Variants in LPP observed in about 807,000 individuals in gnomAD.
LPP encodes the protein LIM domain containing preferred translocation partner in lipoma, also known as lipoma-preferred partner.
Under a neutral mutation model 60.4 loss-of-function variants are expected in LPP, and 38 were observed. The ratio of observed to expected loss-of-function variants is 0.63; its 90% CI spans 0.49 to 0.83. The LOEUF is 0.83. Ranked by LOEUF, LPP falls within the 40% of genes least tolerant of loss-of-function variation. The pLI, the probability that LPP is intolerant of heterozygous loss-of-function variation, is 0.00. For missense variants in LPP, 902 were observed against 783.6 expected (o/e 1.15, Z -1.80); for synonymous variants, 328 against 290.8 (o/e 1.13, Z -1.30).
At chr3:188,373,290 C>G (rs1251288315) in intron 3 of LPP, among the ~76,000 whole-genome samples, 1 of 152,214 alleles carries the variant, frequency 6.6e-6, no homozygotes, top group African/African-American at 2.4e-5. Flanking sequence ...ACACTGACTT[C>G]CACAATGGTT....
chr3:188,536,277 G>A (rs2150333835), intron 6 of LPP, among the ~76,000 whole-genome samples: 1 of 152,054 alleles, frequency 6.6e-6, no homozygotes. Flanking sequence ...CCAAAGTGCT[G>A]GGATTACAGG....
At chr3:188,662,584 T>A (rs1380732930) in intron 7 of LPP, among the ~76,000 whole-genome samples, 1 of 152,226 alleles carries the variant, frequency 6.6e-6, no homozygotes, top group East Asian at 1.9e-4. Flanking sequence ...AATTTAAAGA[T>A]TGACTTTATG....
chr3:188,592,563 T>TTTTTTTTTTTTCTTGG, intron 6 of LPP, among the ~76,000 whole-genome samples: 2 of 77,224 alleles, frequency 2.6e-5, no homozygotes, highest in African/African-American at 4.7e-5. Context: ...TTTTGTTTTT[T>TTTTTTTTTTTTCTTGG]AAATGGAGTC....
At chr3:188,841,495 G>A (rs1031399732) in intron 9 of LPP, among the ~76,000 whole-genome samples, 11 of 145,528 alleles carry the variant, frequency 7.6e-5, no homozygotes, top group Non-Finnish European at 8.9e-5. Flanking sequence ...AGGTTCAAGC[G>A]ATTCTCCTGC....
chr3:188,645,931 C>T (rs1851032442), intron 7 of LPP, among the ~76,000 whole-genome samples: 1 of 151,558 alleles, frequency 6.6e-6, no homozygotes, highest in Non-Finnish European at 1.5e-5. Flanking sequence ...GAATTCTGAC[C>T]TTATCTTTAT....
rs1304754608 is a variant in LPP at position 188,385,153 on chromosome 3, C to T, written c.-9-20959C>T. ...CTGGTTTCTTTCTATCTGTCCACCT[C>T]AATTGAGAACTGATTTCCTTCCCCT... On this transcript the variant is annotated intron_variant, in intron 3 of 11. Coordinates refer to ENST00000617246, the MANE Select transcript of LPP (RefSeq NM_001375462.1). 3.9e-5 allele frequency among the ~76,000 whole-genome samples: 6 copies of T among 152,194 alleles called. No individual in the cohort carries two copies. The East Asian group carries it at 1.2e-3, about 29-fold the overall frequency.
intron 2 of LPP, among the ~76,000 whole-genome samples, chr3:188,241,020 T>G (rs541093170): frequency 6.6e-6 from 1 of 152,206 alleles, no homozygotes; most frequent in Admixed American, 6.5e-5. Flanking sequence ...TAGTCTAAAG[T>G]GATGATTTTA....
At position 188,635,179 on chromosome 3, in the gene LPP, T is replaced by A. The variant is rs149733901; in HGVS notation, c.1113+25335T>A. ...GTGTTTGATATTAATCTCATAGACA[T>A]TTAGGAGAACGATTAGATTTCTGAT... On this transcript the variant is annotated intron_variant, in intron 7 of 11. Coordinates refer to ENST00000617246, the MANE Select transcript of LPP (RefSeq NM_001375462.1). 3.6e-3 allele frequency among the ~76,000 whole-genome samples: 546 copies of A among 152,318 alleles called. 5 individuals carry two copies. Among genetic ancestry groups the A allele is most frequent in the East Asian group, 0.023 (121 of 5,188 alleles).
intron 5 of LPP, among the ~76,000 whole-genome samples, chr3:188,486,298 AT>A (rs1235596989): frequency 6.6e-6 from 1 of 152,236 alleles, no homozygotes; most frequent in East Asian, 1.9e-4. Flanking sequence ...AATATTCTGT[AT>A]TCCTATGTGG....
chr3:188,703,431 G>A (rs943048230), intron 7 of LPP, among the ~76,000 whole-genome samples: 10 of 152,124 alleles, frequency 6.6e-5, no homozygotes, highest in Non-Finnish European at 1.3e-4. Flanking sequence ...TTCTAGGCTC[G>A]AACACTGAAA....
intron 2 of LPP, among the ~76,000 whole-genome samples, chr3:188,227,264 G>A (rs927516894): frequency 6.6e-6 from 1 of 150,980 alleles, no homozygotes; most frequent in African/African-American, 2.4e-5. Flanking sequence ...GTATACATGT[G>A]CCATGCTGGT....
At chr3:188,158,145 T>A (rs953627432) in intron 1 of LPP, among the ~76,000 whole-genome samples, 1 of 152,112 alleles carries the variant, frequency 6.6e-6, no homozygotes, top group African/African-American at 2.4e-5. Context: ...ATAGTACCAC[T>A]TTTAGTCTGA....
chr3:188,537,461 T>A (rs187562212), intron 6 of LPP, among the ~76,000 whole-genome samples: 150 of 152,326 alleles, frequency 9.8e-4, no homozygotes, highest in Non-Finnish European at 1.8e-3. Context: ...TTCAAGACAG[T>A]GGCCATTGTG....
intron 5 of LPP, among the ~76,000 whole-genome samples, chr3:188,489,216 C>T (rs1355676107): frequency 1.3e-5 from 2 of 152,144 alleles, no homozygotes; most frequent in Non-Finnish European, 2.9e-5. Context: ...GTACAGTACT[C>T]AGAATCACAT....
At chr3:188,455,701 A>C (rs1007013159) in intron 4 of LPP, among the ~76,000 whole-genome samples, 2 of 152,152 alleles carry the variant, frequency 1.3e-5, no homozygotes, top group African/African-American at 4.8e-5. Flanking sequence ...AATGACTGTA[A>C]CCTATTCTAG....
intron 2 of LPP, among the ~76,000 whole-genome samples, chr3:188,245,682 G>A (rs1577524282): frequency 1.3e-5 from 2 of 149,792 alleles, no homozygotes; most frequent in South Asian, 2.1e-4. Flanking sequence ...TCAAAATAAC[G>A]TTGCATTTGT....
intron 4 of LPP, among the ~76,000 whole-genome samples, chr3:188,410,808 T>C (rs896754838): frequency 5.9e-5 from 9 of 152,278 alleles, no homozygotes; most frequent in Admixed American, 1.3e-4. Flanking sequence ...AGAAGTTCTG[T>C]AGTGGTGATT....
chr3:188,882,297 C>T lies in LPP; in HGVS notation c.*7818C>T, dbSNP rs1770125357. 1 of 224,638 alleles carries T rather than the reference C, an allele frequency of 4.5e-6. No individual in the cohort carries two copies. 13.9% of individuals were successfully genotyped at this position (224,638 alleles called of 1,614,324 possible). A position where few individuals can be genotyped will look rare whatever the true frequency, so the allele number is the denominator to read the frequency against. ...GCACAACAGGGAAACATGGGCTATA[C>T]TCAGAGAAGACCCTCTGCATTGGCC... On this transcript the variant is annotated 3_prime_UTR_variant, in exon 12 of 12. Transcript: ENST00000617246.
intron 1 of LPP, among the ~76,000 whole-genome samples, chr3:188,173,925 C>T (rs1406985066): frequency 2.6e-5 from 4 of 152,208 alleles, no homozygotes; most frequent in Non-Finnish European, 5.9e-5. Flanking sequence ...GCTCCTCCAC[C>T]TTTCCCCTCA....
Sources: gnomAD v4.1 joint callset for allele counts (sites outside exome capture counted in the v4.1 genomes callset) on GRCh38, gnomAD v4.1.1 for gene constraint, MANE v1.5 for transcripts, NCBI Gene and HGNC (gene_info 2026-07-23, HGNC 2026-07-21) for gene names.